STIP1: variants seen among roughly 807,000 people sequenced by gnomAD.
STIP1 encodes stress induced phosphoprotein 1.
In STIP1, 16 loss-of-function variants were observed where a neutral mutation model predicts 77.4. The ratio of observed to expected loss-of-function variants is 0.21; its 90% confidence interval spans 0.14 to 0.31. STIP1 has a LOEUF of 0.31. STIP1 is among the 10% of genes least tolerant of loss of function. The pLI is 1.00. For missense variants in STIP1, 524 were observed against 684.8 expected, an observed-to-expected ratio of 0.77 and a Z score of 2.62; for synonymous variants, 258 against 246.6, an observed-to-expected ratio of 1.05 and a Z score of -0.44.
intron 5 of STIP1, 127 bp downstream of exon 5, chr11:64,195,940 C>T (rs1946145603): frequency 4.4e-6 from 6 of 1,360,314 alleles, no homozygotes; most frequent in Non-Finnish European, 3.0e-6. Context: ...CGGAGTCTTG[C>T]TGTGTTTCCC....
chr11:64,202,989 C>G, intron 11 of STIP1, 77 bp downstream of exon 11: 1 of 1,607,476 alleles, frequency 6.2e-7, no homozygotes, highest in Non-Finnish European at 8.5e-7. Context: ...CTTTGTCTAC[C>G]TGTGTGTCCT....
chr11:64,195,947 T>G, intron 5 of STIP1, 134 bp downstream of exon 5: 1 of 1,328,836 alleles, frequency 7.5e-7, no homozygotes, highest in Non-Finnish European at 1.0e-6. Flanking sequence ...TTGCTGTGTT[T>G]CCCAGGTTGG....
In STIP1 at chr11:64,197,111, A is replaced by C. The variant is rs370349744; in HGVS notation, c.673-160A>C. On this transcript the variant is annotated intron_variant, in intron 5 of 13. Coordinates refer to ENST00000305218, the MANE Select transcript of STIP1 (RefSeq NM_006819.3). ...AAGTTAGTTTTCATTCTAACGGCTG[A>C]TACTTTATTGTCTATAGCTGACTGA... 1.0e-5 allele frequency: 9 copies of C among 889,528 alleles called. No individual in the cohort carries two copies. The East Asian group carries it at 1.3e-4, about 13-fold the overall frequency. 55.1% of individuals were successfully genotyped at this position (889,528 alleles called of 1,614,324 possible). A position where few individuals can be genotyped will look rare whatever the true frequency, so the allele number is the denominator to read the frequency against.
chr11:64,197,832 C>G, intron 7 of STIP1, 22 bp from the exon 8 acceptor site: 1 of 1,610,156 alleles, frequency 6.2e-7, no homozygotes, highest in Non-Finnish European at 8.5e-7. Flanking sequence ...CTAAGCAGTC[C>G]TTGTCCCTCT....
chr11:64,186,304 C>G (rs1340724770), intron 1 of STIP1, 34 bp downstream of exon 1: 1 of 1,119,602 alleles, frequency 8.9e-7, no homozygotes, highest in Admixed American at 2.6e-5. Context: ...GGCCCCGAGC[C>G]TGCTCGGGGA....
intron 13 of STIP1, 126 bp from the exon 14 acceptor site, chr11:64,203,905 GCAGGCCTCTGCAGCTCGGCGCCC>G (rs1166439343): frequency 2.1e-6 from 2 of 942,746 alleles, no homozygotes; most frequent in South Asian, 1.4e-5. Context: ...GCGAAGTGGA[GCAGGCCTCTGCAGCTCGGCGCCC>G]CGGGCCTCGC....
At chr11:64,202,605 CCACG>C in intron 10 of STIP1, 1 of 472,972 alleles carries the variant, frequency 2.1e-6, no homozygotes, top group East Asian at 3.8e-5. Context: ...GGACCAAGGC[CCACG>C]CATTTTGTCT....
At chr11:64,185,579 G>C (rs550241420), upstream of STIP1, 1 of 561,062 alleles carries the variant, frequency 1.8e-6, no homozygotes, top group South Asian at 2.1e-5. Context: ...CTGGGGCCCT[G>C]TGCCGCTGGC....
At chr11:64,192,320 CACA>C (rs146667456) in intron 1 of STIP1, among the ~76,000 whole-genome samples, 154 of 152,196 alleles carry the variant, frequency 1.0e-3, no homozygotes, top group African/African-American at 3.6e-3. Context: ...TCTCAAAAAA[CACA>C]ACAAAACAAA....
chr11:64,199,620 T>C (rs1231314194), intron 8 of STIP1, among the ~76,000 whole-genome samples: 9 of 146,420 alleles, frequency 6.1e-5, no homozygotes, highest in Non-Finnish European at 1.2e-4. Context: ...TGGAGTGCAG[T>C]GGCGCGATCT....
chr11:64,197,005 C>A, intron 5 of STIP1: 1 of 437,022 alleles, frequency 2.3e-6, no homozygotes, highest in South Asian at 2.5e-5. Flanking sequence ...GATTTCCTCT[C>A]CCCTAAAGAA....
At chr11:64,191,947 G>T (rs1314933292) in intron 1 of STIP1, among the ~76,000 whole-genome samples, 1 of 151,790 alleles carries the variant, frequency 6.6e-6, no homozygotes, top group African/African-American at 2.4e-5. Flanking sequence ...CAGTCAGTTG[G>T]GTGGCCGGGC....
Position 64,194,570 on chromosome 11 carries a change from C to T in STIP1, c.453C>T (p.Thr151=), listed in dbSNP as rs750473057. 4 of 1,614,182 alleles carry T rather than the reference C, an allele frequency of 2.5e-6. No homozygotes were observed. Among genetic ancestry groups the T allele is most frequent in the South Asian group, 2.2e-5 (2 of 91,088 alleles). Residue 151 remains threonine (T), a synonymous_variant, in exon 4 of 14, where the codon ACC becomes ACT. Coordinates refer to ENST00000305218, the MANE Select transcript of STIP1 (RefSeq NM_006819.3). The part of the protein sequence containing the change: ...PRTRTLLSDP[T]YRELIEQLRN... ...CAAGGACACTACTCAGTGATCCTAC[C>T]TACCGGGAGCTGATAGAGCAGCTAC...
intron 12 of STIP1, 74 bp from the exon 13 acceptor site, chr11:64,203,376 G>C: frequency 6.2e-7 from 1 of 1,601,308 alleles, no homozygotes; most frequent in Non-Finnish European, 8.5e-7. Flanking sequence ...AGTTACCTCT[G>C]TTATCTTGGA....
chr11:64,200,494 T>G (rs1946205683), intron 10 of STIP1, among the ~76,000 whole-genome samples: 2 of 152,106 alleles, frequency 1.3e-5, no homozygotes, highest in South Asian at 2.1e-4. Flanking sequence ...ATTTTTTTTG[T>G]AGAGTTGGGG....
intron 1 of STIP1, among the ~76,000 whole-genome samples, chr11:64,191,939 G>C (rs969620187): frequency 1.3e-5 from 2 of 152,052 alleles, no homozygotes; most frequent in African/African-American, 4.8e-5. Flanking sequence ...TCTCTCCCCA[G>C]TCAGTTGGGT....
At chr11:64,188,896 T>C (rs1331528588) in intron 1 of STIP1, among the ~76,000 whole-genome samples, 5 of 152,174 alleles carry the variant, frequency 3.3e-5, no homozygotes, top group Non-Finnish European at 1.5e-5. Flanking sequence ...CATTTTCAAC[T>C]GTGAGGTTTG....
chr11:64,190,244 G>C (rs549247381), intron 1 of STIP1, among the ~76,000 whole-genome samples: 9 of 152,204 alleles, frequency 5.9e-5, no homozygotes, highest in African/African-American at 2.2e-4. Context: ...CGCAATCTCA[G>C]CTTACTGCAA....
intron 1 of STIP1, among the ~76,000 whole-genome samples, chr11:64,189,397 C>T (rs911861683): frequency 5.9e-5 from 9 of 152,106 alleles, no homozygotes; most frequent in African/African-American, 7.2e-5. Context: ...CATTGTGGTG[C>T]GCGCCTGTGG....
Sources: gnomAD v4.1 joint callset for allele counts (sites outside exome capture counted in the v4.1 genomes callset) on GRCh38, gnomAD v4.1.1 for gene constraint, MANE v1.5 for transcripts, NCBI Gene and HGNC (gene_info 2026-07-23, HGNC 2026-07-21) for gene names.